PRKN: variants seen among roughly 807,000 people sequenced by gnomAD.
PRKN encodes the protein parkin RBR E3 ubiquitin protein ligase.
In PRKN, 56 loss-of-function variants were observed where a neutral mutation model predicts 59.5. The ratio of observed to expected loss-of-function variants is 0.94; its 90% CI spans 0.76 to 1.18. PRKN has a LOEUF of 1.18. PRKN is among the 50% of genes most tolerant of loss of function. The pLI, the probability that PRKN is intolerant of heterozygous loss-of-function variation, is 0.00. For synonymous variants in PRKN, 250 were observed against 222.1 expected (o/e 1.13, Z -1.12); for missense variants, 657 against 596.4 (o/e 1.10, Z -1.06).
intron 7 of PRKN, among the ~76,000 whole-genome samples, chr6:161,720,794 C>T (rs1055562629): frequency 1.8e-4 from 27 of 151,112 alleles, no homozygotes; most frequent in African/African-American, 6.3e-4. Context: ...ATTTTTAAGT[C>T]CTGTATATTT....
intron 1 of PRKN, among the ~76,000 whole-genome samples, chr6:162,547,779 A>G (rs572421510): frequency 5.7e-4 from 86 of 152,046 alleles, no homozygotes; most frequent in African/African-American, 2.0e-3. Flanking sequence ...CGGGGGTTTC[A>G]ACATGTTGGC....
At chr6:162,308,718 G>A (rs1214201637) in intron 2 of PRKN, among the ~76,000 whole-genome samples, 1 of 152,102 alleles carries the variant, frequency 6.6e-6, no homozygotes, top group African/African-American at 2.4e-5. Flanking sequence ...TCCTTCAGAA[G>A]AAAACACTGA....
chr6:162,503,835 G>A (rs536676022), intron 1 of PRKN, among the ~76,000 whole-genome samples: 111 of 152,314 alleles, frequency 7.3e-4, no homozygotes, highest in Non-Finnish European at 1.1e-3. Context: ...ACAGGAGGGT[G>A]ATGGGGCAAG....
intron 2 of PRKN, among the ~76,000 whole-genome samples, chr6:162,288,029 C>T (rs1781272692): frequency 6.6e-6 from 1 of 152,140 alleles, no homozygotes; most frequent in South Asian, 2.1e-4. Context: ...CTGTCTTATT[C>T]CGGAATCCTG....
intron 4 of PRKN, among the ~76,000 whole-genome samples, chr6:162,093,342 A>C (rs1200991513): frequency 6.6e-6 from 1 of 152,098 alleles, no homozygotes; most frequent in Non-Finnish European, 1.5e-5. Flanking sequence ...CTCTAGCATC[A>C]CGCTCCTCAT....
intron 4 of PRKN, among the ~76,000 whole-genome samples, chr6:162,197,181 T>C (rs1039367973): frequency 1.3e-5 from 2 of 152,170 alleles, no homozygotes; most frequent in Non-Finnish European, 2.9e-5. Flanking sequence ...AACCTCAGAA[T>C]TGCCTATTAT....
intron 2 of PRKN, among the ~76,000 whole-genome samples, chr6:162,404,379 A>AAAAAAG (rs1282786856): frequency 5.9e-4 from 89 of 151,800 alleles, no homozygotes; most frequent in African/African-American, 2.1e-3. Flanking sequence ...GAAAAAAAAA[A>AAAAAAG]AAAGAAAGAA....
intron 6 of PRKN, among the ~76,000 whole-genome samples, chr6:161,879,689 G>C (rs982052788): frequency 6.6e-6 from 1 of 152,094 alleles, no homozygotes; most frequent in Non-Finnish European, 1.5e-5. Flanking sequence ...GTGTCAAAGG[G>C]TTTATAAAAG....
intron 1 of PRKN, among the ~76,000 whole-genome samples, chr6:162,693,947 G>T (rs183804717): frequency 5.9e-5 from 9 of 152,200 alleles, no homozygotes; most frequent in Non-Finnish European, 1.0e-4. Context: ...GAGGAATTTG[G>T]TACTTAAAAT....
intron 1 of PRKN, among the ~76,000 whole-genome samples, chr6:162,526,742 A>G (rs537595271): frequency 2.6e-5 from 4 of 152,308 alleles, no homozygotes; most frequent in Admixed American, 6.5e-5. Flanking sequence ...GCTGCATAAG[A>G]GAATAACAAC....
intron 7 of PRKN, among the ~76,000 whole-genome samples, chr6:161,598,425 G>A (rs965781798): frequency 1.3e-5 from 2 of 152,184 alleles, no homozygotes; most frequent in African/African-American, 2.4e-5. Context: ...ATGAAAGAGA[G>A]AGATCACCGT....
intron 1 of PRKN, among the ~76,000 whole-genome samples, chr6:162,670,413 C>T (rs1048205665): frequency 2.0e-5 from 3 of 152,238 alleles, no homozygotes; most frequent in African/African-American, 7.2e-5. Flanking sequence ...GCAATTTATT[C>T]TCTCTTTGGA....
intron 1 of PRKN, among the ~76,000 whole-genome samples, chr6:162,482,542 T>C (rs1315192921): frequency 6.6e-6 from 1 of 152,108 alleles, no homozygotes; most frequent in African/African-American, 2.4e-5. Context: ...AAACCAGCAA[T>C]AATGGCAACA....
chr6:161,720,956 T>G (rs115868156), intron 7 of PRKN, among the ~76,000 whole-genome samples: 2,457 of 152,318 alleles, frequency 0.016, 74 homozygotes, highest in African/African-American at 0.056. Flanking sequence ...GCAGACAGAC[T>G]GTTTTTAATT....
At chr6:162,166,895 C>G (rs181282986) in intron 4 of PRKN, among the ~76,000 whole-genome samples, 2 of 152,262 alleles carry the variant, frequency 1.3e-5, no homozygotes, top group Admixed American at 1.3e-4. Flanking sequence ...AACTCAACTA[C>G]CCACTCTTTG....
At chr6:161,563,922 G>C (rs1421158265) in intron 8 of PRKN, among the ~76,000 whole-genome samples, 5 of 152,162 alleles carry the variant, frequency 3.3e-5, no homozygotes, top group Non-Finnish European at 7.3e-5. Context: ...AGGAATTTTA[G>C]TATAGCACAA....
intron 9 of PRKN, among the ~76,000 whole-genome samples, chr6:161,394,086 T>C (rs1015614839): frequency 1.3e-5 from 2 of 152,218 alleles, no homozygotes; most frequent in Admixed American, 1.3e-4. Context: ...GCCGCTGATA[T>C]ATGCAAAACT....
intron 4 of PRKN, among the ~76,000 whole-genome samples, chr6:162,182,626 GCT>G (rs1783846328): frequency 6.6e-6 from 1 of 152,218 alleles, no homozygotes; most frequent in African/African-American, 2.4e-5. Flanking sequence ...GCTCCCATGG[GCT>G]CATCCCAGGA....
intron 6 of PRKN, among the ~76,000 whole-genome samples, chr6:161,794,252 T>C (rs1790750306): frequency 6.6e-6 from 1 of 152,202 alleles, no homozygotes; most frequent in Non-Finnish European, 1.5e-5. Flanking sequence ...CCCTTCAATA[T>C]ATACCTGCTG....
Sources: gnomAD v4.1 joint callset for allele counts (sites outside exome capture counted in the v4.1 genomes callset) on GRCh38, gnomAD v4.1.1 for gene constraint, MANE v1.5 for transcripts, NCBI Gene and HGNC (gene_info 2026-07-23, HGNC 2026-07-21) for gene names.